The following BANP variants were observed in gnomAD, a reference collection of about 807,000 sequenced individuals.
BANP encodes the protein BTG3 associated nuclear protein.
A neutral mutation model predicts 68.1 loss-of-function variants in BANP; 11 were observed. The ratio of observed to expected loss-of-function variants is 0.16; its 90% CI spans 0.10 to 0.27. BANP has a LOEUF of 0.27. Among genes scored for constraint, BANP ranks in the 10% least tolerant of loss-of-function variants. BANP has a pLI of 1.00. For synonymous variants in BANP, 329 were observed against 303.2 expected, an observed-to-expected ratio of 1.09 and a Z score of -0.88; for missense variants, 504 against 722.7, an observed-to-expected ratio of 0.70 and a Z score of 3.47.
chr16:88,036,234 C>G lies in BANP; in HGVS notation c.1272+840C>G, dbSNP rs547739215. 1.3e-3 allele frequency among the ~76,000 whole-genome samples: 195 copies of G among 152,318 alleles called. No individual in the cohort carries two copies. Among genetic ancestry groups the G allele is most frequent in the African/African-American group, 4.2e-3 (174 of 41,578 alleles). On this transcript the variant is annotated intron_variant, in intron 10 of 13. Transcript: ENST00000682872. This position sits in a 1 kb window ranked among gnomAD's most constrained non-coding sequence, Gnocchi z 4.2. Reference sequence around the variant, plus strand: ...CTGTTTCTAGGTCGTGACAATGGCACCAGCTTTGTGTTTGGTGCATAGTAG... The same window carrying G: ...CTGTTTCTAGGTCGTGACAATGGCAGCAGCTTTGTGTTTGGTGCATAGTAG...
chr16:88,072,858 C>T (rs1212046807), intron 13 of BANP, among the ~76,000 whole-genome samples: 1 of 152,290 alleles, frequency 6.6e-6, no homozygotes, highest in African/African-American at 2.4e-5. Flanking sequence ...GCCTCCGTGC[C>T]ACCTGCTTTG....
chr16:87,986,030 T>A (rs968725917), intron 4 of BANP, among the ~76,000 whole-genome samples: 4 of 152,112 alleles, frequency 2.6e-5, no homozygotes, highest in Non-Finnish European at 4.4e-5. Flanking sequence ...TGTGGAGAGT[T>A]TTTGTTGGGT....
chr16:87,955,566 G>A (rs756686176), intron 1 of BANP, among the ~76,000 whole-genome samples: 2 of 152,180 alleles, frequency 1.3e-5, no homozygotes, highest in Non-Finnish European at 2.9e-5. Context: ...GTGTCCTCTT[G>A]CTGTTTCGGG....
At chr16:87,950,071 G>C (rs1015173606), upstream of BANP, among the ~76,000 whole-genome samples, 7 of 152,030 alleles carry the variant, frequency 4.6e-5, no homozygotes, top group African/African-American at 1.7e-4. Context: ...TAGAGACGGG[G>C]TTTCACCGTG....
intron 11 of BANP, among the ~76,000 whole-genome samples, chr16:88,046,211 C>G (rs528412617): frequency 6.6e-6 from 1 of 152,342 alleles, no homozygotes; most frequent in Non-Finnish European, 1.5e-5. Flanking sequence ...CCTTTCACTT[C>G]TGCCTTTTGC....
intron 11 of BANP, among the ~76,000 whole-genome samples, chr16:88,053,418 TACCACC>T (rs576197210): frequency 1.2e-5 from 1 of 84,370 alleles, no homozygotes. Context: ...CAACCACCTT[TACCACC>T]ACCACCACCT....
chr16:87,960,475 A>G (rs759494420), intron 1 of BANP, among the ~76,000 whole-genome samples: 1 of 152,208 alleles, frequency 6.6e-6, no homozygotes, highest in Non-Finnish European at 1.5e-5. Context: ...TCCTAAAGAC[A>G]TACTTATTTG....
intron 1 of BANP, among the ~76,000 whole-genome samples, chr16:87,962,239 C>CAAAATAAA (rs2059304927): frequency 1.3e-5 from 1 of 79,788 alleles, no homozygotes; most frequent in Admixed American, 1.7e-4. Context: ...GACTTGGTCT[C>CAAAATAAA]AAAAAAAAAA....
chr16:88,045,357 C>T (rs193206365), intron 11 of BANP, among the ~76,000 whole-genome samples: 2 of 152,308 alleles, frequency 1.3e-5, no homozygotes, highest in East Asian at 3.9e-4. Context: ...AGCCTCTGAC[C>T]GAGTTGTCCG....
rs375392672 is a variant in BANP at position 88,037,609 on chromosome 16, C to T, written c.1273-364C>T. ...CCGCACAGCTCAGCAAGGCGTCCCC[C>T]TTCGGGGAAGCTGGGCGACACACAC... On this transcript the variant is annotated intron_variant, in intron 10 of 13. Coordinates refer to ENST00000682872, the MANE Select transcript of BANP (RefSeq NM_001386991.1). 215 of 294,408 alleles carry T rather than the reference C, an allele frequency of 7.3e-4. 1 individual carries two copies. Among genetic ancestry groups the T allele is most frequent in the African/African-American group, 4.7e-3 (210 of 44,712 alleles). 18.2% of individuals were successfully genotyped at this position (294,408 alleles called of 1,614,324 possible). A position where few individuals can be genotyped will look rare whatever the true frequency, so the allele number is the denominator to read the frequency against.
At chr16:87,967,899 G>C (rs1185745213) in intron 1 of BANP, among the ~76,000 whole-genome samples, 1 of 151,976 alleles carries the variant, frequency 6.6e-6, no homozygotes, top group Non-Finnish European at 1.5e-5. Context: ...GGGATTACAG[G>C]TGTGAGCCAC....
chr16:87,974,438 T>C (rs1213637617), intron 1 of BANP, among the ~76,000 whole-genome samples: 1 of 152,156 alleles, frequency 6.6e-6, no homozygotes, highest in East Asian at 1.9e-4. Context: ...GGTGGCAGGA[T>C]GCTGCTCGGG....
intron 2 of BANP, chr16:87,978,687 A>T (rs2062671682): frequency 2.1e-6 from 1 of 469,292 alleles, no homozygotes; most frequent in Non-Finnish European, 4.4e-6. Context: ...AGCTGGGACT[A>T]TCCAGGTTAA....
chr16:87,956,733 G>C (rs989391153), intron 1 of BANP: 1 of 152,200 alleles, frequency 6.6e-6, no homozygotes, highest in Non-Finnish European at 1.5e-5. Flanking sequence ...GCCTCTGCAC[G>C]TCCCGGTGGG....
chr16:87,985,273 G>T (rs916378141), intron 4 of BANP, among the ~76,000 whole-genome samples: 2 of 152,152 alleles, frequency 1.3e-5, no homozygotes, highest in African/African-American at 4.8e-5. Flanking sequence ...AACGCTACCC[G>T]GCCGTCTTCC....
In BANP at chr16:87,984,195, A is replaced by C. The variant is rs547536427; in HGVS notation, c.298A>C (p.Ile100Leu). 4.2e-5 allele frequency: 67 copies of C among 1,607,686 alleles called. No homozygotes were observed. Among genetic ancestry groups the C allele is most frequent in the Non-Finnish European group, 5.3e-5 (62 of 1,176,364 alleles). Residue 100 changes from isoleucine to leucine, a missense_variant, in exon 4 of 14, where the codon ATC becomes CTC. Ile to Leu is a conservative substitution (Grantham distance 5). Coordinates refer to ENST00000682872, the MANE Select transcript of BANP (RefSeq NM_001386991.1). ...GGTCACGAACAAGCAGCACAGCCCC[A>C]TCCAGGTCCCCATGGTGGCCGGCTC... The part of the protein sequence containing the change: ...DLVTNKQHSP[I>L]QVPMVAGSPL...
At chr16:87,988,338 A>G (rs915552288) in intron 4 of BANP, among the ~76,000 whole-genome samples, 6 of 152,106 alleles carry the variant, frequency 3.9e-5, no homozygotes, top group East Asian at 1.9e-4. Context: ...ATCTTGGCTC[A>G]CTGCAACCTC....
chr16:88,012,924 G>A (rs1002831424), intron 6 of BANP, among the ~76,000 whole-genome samples: 8 of 152,150 alleles, frequency 5.3e-5, no homozygotes, highest in Non-Finnish European at 1.2e-4. Context: ...TTAAATCATC[G>A]TTTTGTTTCC....
intron 5 of BANP, among the ~76,000 whole-genome samples, 184 bp from the exon 6 acceptor site, chr16:88,005,906 T>A (rs2070926002): frequency 6.6e-6 from 1 of 152,252 alleles, no homozygotes; most frequent in Non-Finnish European, 1.5e-5. Context: ...TACAGTTTCT[T>A]TCAGCCCCAG....
Sources: allele counts gnomAD v4.1 joint callset (sites outside exome capture counted in the v4.1 genomes callset), GRCh38; gene constraint gnomAD v4.1.1; non-coding constraint Gnocchi (gnomAD v3.1); transcripts MANE v1.5; gene names NCBI Gene and HGNC (gene_info 2026-07-23, HGNC 2026-07-21).